The following TBCD variants were observed in gnomAD, a reference collection of about 807,000 sequenced individuals.
TBCD encodes the protein tubulin folding cofactor D.
In TBCD, 105 loss-of-function variants were observed where a neutral mutation model predicts 169.3. The observed-to-expected ratio is 0.62, with a 90% CI of 0.53 to 0.73. The LOEUF is 0.73. Among genes scored for constraint, TBCD ranks in the 30% least tolerant of loss-of-function variants. The pLI is 0.00. For synonymous variants in TBCD, 700 were observed against 643.9 expected (o/e 1.09, Z -1.32); for missense variants, 1,444 against 1,600.1 (o/e 0.90, Z 1.66).
intron 7 of TBCD, among the ~76,000 whole-genome samples, chr17:82,784,859 C>T (rs113273037): frequency 0.023 from 3,523 of 152,284 alleles, 160 homozygotes; most frequent in African/African-American, 0.081. Context: ...TGGCAACTGC[C>T]GCAGCTCCCC....
chr17:82,920,611 C>A lies in TBCD; in HGVS notation c.2094C>A (p.Thr698=). Reference sequence around the variant, plus strand: ...CCAAAATGCCCTTTAGAGGTGACACCGTAATTGGTAAGTGCTTTTGTTTTT... The same window carrying A: ...CCAAAATGCCCTTTAGAGGTGACACAGTAATTGGTAAGTGCTTTTGTTTTT... ...SLSKMPFRGD[T]VIDGWQWLIN... Residue 698 remains threonine (T), a synonymous_variant, in exon 24 of 39, where the codon ACC becomes ACA. Coordinates refer to ENST00000355528, the MANE Select transcript of TBCD (RefSeq NM_005993.5). This position sits in a 1 kb window ranked among gnomAD's most constrained non-coding sequence, Gnocchi z 4.1. 1 of 1,550,314 alleles carries A rather than the reference C, an allele frequency of 6.5e-7. No individual in the cohort carries two copies. Among genetic ancestry groups the A allele is most frequent in the Non-Finnish European group, 8.7e-7 (1 of 1,147,408 alleles).
intron 2 of TBCD, among the ~76,000 whole-genome samples, 174 bp from the exon 3 acceptor site, chr17:82,763,791 G>A (rs890782686): frequency 6.6e-6 from 1 of 152,150 alleles, no homozygotes; most frequent in Non-Finnish European, 1.5e-5. Flanking sequence ...CCAGGCTGGA[G>A]TGCAATAGTA....
chr17:82,867,708 C>T (rs1429669638), intron 13 of TBCD, among the ~76,000 whole-genome samples: 1 of 152,226 alleles, frequency 6.6e-6, no homozygotes, highest in Non-Finnish European at 1.5e-5. Flanking sequence ...CTCACAGCCG[C>T]CTTCTTGTTT....
chr17:82,796,570 A>G (rs1401142778), intron 7 of TBCD, among the ~76,000 whole-genome samples: 3 of 152,190 alleles, frequency 2.0e-5, no homozygotes, highest in Non-Finnish European at 4.4e-5. Context: ...AGACAGAGGA[A>G]CAGGAGCGCA....
At chr17:82,834,685 G>A (rs1277627944) in intron 13 of TBCD, among the ~76,000 whole-genome samples, 1 of 151,888 alleles carries the variant, frequency 6.6e-6, no homozygotes, top group Non-Finnish European at 1.5e-5. Context: ...CATGGACACA[G>A]GGAGGGGAAC....
chr17:82,805,503 G>A (rs2050893649), intron 9 of TBCD, among the ~76,000 whole-genome samples: 3 of 152,180 alleles, frequency 2.0e-5, no homozygotes, highest in Admixed American at 2.0e-4. Flanking sequence ...CGGTGGCAGT[G>A]GTGGCCGTTC....
chr17:82,857,087 A>C (rs2056374892), intron 13 of TBCD, among the ~76,000 whole-genome samples: 1 of 152,248 alleles, frequency 6.6e-6, no homozygotes, highest in East Asian at 1.9e-4. Flanking sequence ...AGCAAGGCGC[A>C]GAGCTTCTGG....
chr17:82,816,522 C>T (rs2051917908), intron 13 of TBCD, among the ~76,000 whole-genome samples: 1 of 152,112 alleles, frequency 6.6e-6, no homozygotes, highest in Non-Finnish European at 1.5e-5. Flanking sequence ...CTCTGATCCT[C>T]ACCAACACTT....
chr17:82,937,552 A>C (rs2062733481), intron 35 of TBCD, 192 bp downstream of exon 35: 1 of 621,816 alleles, frequency 1.6e-6, no homozygotes, highest in East Asian at 2.7e-5. Context: ...TGGTGGAGGG[A>C]GTTCCCGCGG....
In TBCD at chr17:82,903,402, CAG is replaced by C; in HGVS notation, c.1731-2_1731-1del. The stretch of plus-strand genomic sequence containing the variant: ...ACTTACGACATTCTCTCCTCACTCT[CAG>C]GGTCATCCGAGAGTTGGCTGCGAGG... On this transcript the variant is annotated splice_acceptor_variant, in intron 18 of 38. Transcript: ENST00000355528. LOFTEE classifies it high-confidence loss of function. This position sits in a 1 kb window ranked among gnomAD's most constrained non-coding sequence, Gnocchi z 4.8. The C allele has an allele frequency of 6.2e-7, 1 of 1,600,620 alleles. No individual in the cohort carries two copies. The highest frequency in any genetic ancestry group is 8.5e-7 in the Non-Finnish European group (1 of 1,173,660).
At chr17:82,862,951 C>T (rs1020470089) in intron 13 of TBCD, among the ~76,000 whole-genome samples, 3 of 152,188 alleles carry the variant, frequency 2.0e-5, no homozygotes, top group Admixed American at 6.5e-5. Flanking sequence ...TATCTGGTGA[C>T]GGCTGCCCCT....
intron 7 of TBCD, among the ~76,000 whole-genome samples, chr17:82,794,978 C>T (rs1292426251): frequency 6.6e-6 from 1 of 152,230 alleles, no homozygotes; most frequent in African/African-American, 2.4e-5. Flanking sequence ...TTGGTGCTGT[C>T]TCCTGTGTGT....
chr17:82,869,428 G>A (rs2057404420), intron 13 of TBCD, among the ~76,000 whole-genome samples: 1 of 152,176 alleles, frequency 6.6e-6, no homozygotes, highest in Non-Finnish European at 1.5e-5. Flanking sequence ...GCTGAGGAGG[G>A]AGGATCGCTT....
intron 13 of TBCD, among the ~76,000 whole-genome samples, chr17:82,822,731 C>T (rs1012314145): frequency 1.3e-5 from 2 of 152,196 alleles, no homozygotes; most frequent in Non-Finnish European, 2.9e-5. Flanking sequence ...AAAGGAAATA[C>T]GCTGCATGTA....
chr17:82,810,792 T>C (rs1018034667), intron 12 of TBCD, among the ~76,000 whole-genome samples: 2 of 152,234 alleles, frequency 1.3e-5, no homozygotes, highest in Admixed American at 6.5e-5. Context: ...AAAGCTGTGC[T>C]GTCAGCACTT....
At chr17:82,935,057 C>A (rs1412150663) in intron 34 of TBCD, among the ~76,000 whole-genome samples, 10 of 135,560 alleles carry the variant, frequency 7.4e-5, no homozygotes, top group Non-Finnish European at 1.1e-4. Context: ...CAGCCAGACT[C>A]TGTTTCAAAA....
In TBCD at chr17:82,930,393, C is replaced by A; in HGVS notation, c.2992-129C>A. ...TGGCGTCCGCACCAGCCGCTTGGGG[C>A]CAGACCTTCGCGTCTCTGCAGCTCG... is the stretch of plus-strand genomic sequence containing the variant. On this transcript the variant is annotated intron_variant, in intron 32 of 38. Transcript: ENST00000355528. The surrounding 1 kb of genome is among the most constrained non-coding windows in gnomAD (Gnocchi z 5.2). 7.3e-7 allele frequency: 1 copy of A among 1,377,970 alleles called. No homozygotes were observed. The highest frequency in any genetic ancestry group is 1.4e-5 in the African/African-American group (1 of 69,018). 85.4% of individuals were successfully genotyped at this position (1,377,970 alleles called of 1,614,324 possible).
rs1482193422 is a variant in TBCD, at chr17:82,880,582, C to G, written c.1476-3563C>G. On this transcript the variant is annotated intron_variant, in intron 14 of 38. Coordinates refer to ENST00000355528, the MANE Select transcript of TBCD (RefSeq NM_005993.5). This position sits in a 1 kb window ranked among gnomAD's most constrained non-coding sequence, Gnocchi z 5.0. ...GACCTGGGTGTGCTGCTGGATGCCC[C>G]AAGGATCTGGCAGGAGGAGGCATCC... 6.6e-6 allele frequency among the ~76,000 whole-genome samples: 1 copy of G among 152,178 alleles called. No homozygotes were observed. Among genetic ancestry groups the G allele is most frequent in the African/African-American group, 2.4e-5 (1 of 41,438 alleles).
intron 34 of TBCD, among the ~76,000 whole-genome samples, chr17:82,936,180 C>T (rs2062607534): frequency 6.6e-6 from 1 of 152,220 alleles, no homozygotes; most frequent in South Asian, 2.1e-4. Flanking sequence ...AATTTTCACA[C>T]GTCTTTTCCC....
Sources: gnomAD v4.1 joint callset for allele counts (sites outside exome capture counted in the v4.1 genomes callset) on GRCh38, gnomAD v4.1.1 for gene constraint, Gnocchi (gnomAD v3.1) non-coding constraint, MANE v1.5 for transcripts, NCBI Gene and HGNC (gene_info 2026-07-23, HGNC 2026-07-21) for gene names.